Variants in TAS2R1 observed in about 807,000 individuals in gnomAD.
TAS2R1 encodes the protein taste receptor type 2 member 1.
For synonymous variants in TAS2R1, 141 were observed against 134.2 expected, an observed-to-expected ratio of 1.05 and a Z score of -0.35; for missense variants, 370 against 353.4, an observed-to-expected ratio of 1.05 and a Z score of -0.38.
At chr5:9,775,193 C>T in the TAS2R1 span, among the ~76,000 whole-genome samples, 1 of 152,302 alleles carries the variant, frequency 6.6e-6, no homozygotes, top group Non-Finnish European at 1.5e-5. Flanking sequence ...ACACAAAGGA[C>T]TCTCCCTGTG....
At chr5:9,769,059 C>T in the TAS2R1 span, among the ~76,000 whole-genome samples, 1 of 152,278 alleles carries the variant, frequency 6.6e-6, no homozygotes, top group Admixed American at 6.5e-5. Flanking sequence ...AGCTCCACTT[C>T]CCACGCCCTC....
chr5:9,841,468 T>C, the TAS2R1 span, among the ~76,000 whole-genome samples: 1 of 152,208 alleles, frequency 6.6e-6, no homozygotes, highest in Non-Finnish European at 1.5e-5. Flanking sequence ...AAATTCTCTA[T>C]TCTGATGTAC....
At chr5:9,637,854 T>C (rs186500161) in intron 2 of TAS2R1, among the ~76,000 whole-genome samples, 1 of 152,346 alleles carries the variant, frequency 6.6e-6, no homozygotes, top group Admixed American at 6.5e-5. Context: ...TTCTTTAAGT[T>C]TGTCTTCACC....
the TAS2R1 span, among the ~76,000 whole-genome samples, chr5:9,834,994 G>A: frequency 1.3e-5 from 2 of 152,112 alleles, no homozygotes; most frequent in African/African-American, 4.8e-5. Context: ...TCTCTTTCAT[G>A]ACGCCTGAGC....
At chr5:9,891,283 A>C in the TAS2R1 span, among the ~76,000 whole-genome samples, 1 of 152,258 alleles carries the variant, frequency 6.6e-6, no homozygotes, top group South Asian at 2.1e-4. Flanking sequence ...AGAGCTATGC[A>C]AAAATGTAAA....
chr5:9,648,284 GAATA>G (rs1412930358), intron 2 of TAS2R1, among the ~76,000 whole-genome samples: 3 of 151,964 alleles, frequency 2.0e-5, no homozygotes, highest in Non-Finnish European at 2.9e-5. Context: ...AATTTTAAAT[GAATA>G]AATAAAGCTT....
chr5:9,840,857 A>ATTTTTTTTTTTTTTTTTTTTTTTT, the TAS2R1 span, among the ~76,000 whole-genome samples: 2 of 132,088 alleles, frequency 1.5e-5, no homozygotes, highest in African/African-American at 5.6e-5. Flanking sequence ...TTATTTATTT[A>ATTTTTTTTTTTTTTTTTTTTTTTT]TTTTTTTTTT....
intron 2 of TAS2R1, among the ~76,000 whole-genome samples, chr5:9,646,791 C>T (rs1179506011): frequency 1.3e-5 from 2 of 152,040 alleles, no homozygotes; most frequent in African/African-American, 4.8e-5. Context: ...TTACTTAGTT[C>T]ATGTGTTTTG....
the TAS2R1 span, among the ~76,000 whole-genome samples, chr5:9,853,306 G>T: frequency 6.6e-6 from 1 of 152,184 alleles, no homozygotes; most frequent in Non-Finnish European, 1.5e-5. Flanking sequence ...TACCCTACAG[G>T]CTGTGTCAAG....
At chr5:9,835,831 G>C in the TAS2R1 span, among the ~76,000 whole-genome samples, 8 of 152,218 alleles carry the variant, frequency 5.3e-5, no homozygotes, top group African/African-American at 1.7e-4. Context: ...AGGATGCCTT[G>C]ATCCCAGGGT....
intron 2 of TAS2R1, among the ~76,000 whole-genome samples, chr5:9,648,638 T>C (rs540611481): frequency 2.0e-5 from 3 of 151,902 alleles, no homozygotes; most frequent in Admixed American, 6.6e-5. Flanking sequence ...CATGGTACTG[T>C]CGAAATGAAA....
At chr5:9,671,869 G>A (rs997383364) in intron 1 of TAS2R1, among the ~76,000 whole-genome samples, 118 of 152,108 alleles carry the variant, frequency 7.8e-4, no homozygotes, top group African/African-American at 2.7e-3. Flanking sequence ...AATAAAGCTG[G>A]AGGCATCACA....
chr5:9,849,857 C>A, the TAS2R1 span, among the ~76,000 whole-genome samples: 1 of 152,200 alleles, frequency 6.6e-6, no homozygotes. Context: ...TTCCTCTATA[C>A]CTTTCATGCA....
At chr5:9,701,876 CT>C (rs1227615725) in intron 1 of TAS2R1, among the ~76,000 whole-genome samples, 1 of 151,828 alleles carries the variant, frequency 6.6e-6, no homozygotes, top group Non-Finnish European at 1.5e-5. Flanking sequence ...GAAGAGAATC[CT>C]TTTTTTTAGA....
At chr5:9,749,730 TAAGTC>T in the TAS2R1 span, among the ~76,000 whole-genome samples, 439 of 152,328 alleles carry the variant, frequency 2.9e-3, 1 homozygote, top group African/African-American at 0.01. Context: ...AATTGTCTTA[TAAGTC>T]AAGTACAAAG....
In TAS2R1 at chr5:9,671,786, A is replaced by G. The variant is rs187382366; in HGVS notation, c.-241-12205T>C. Reference sequence around the variant, plus strand: ...TCATTCTTCACAAAACTAGAAAAAAAACTATTTTAAAATTCATATGGAACC... The same window carrying G: ...TCATTCTTCACAAAACTAGAAAAAAGACTATTTTAAAATTCATATGGAACC... On this transcript the variant is annotated intron_variant, in intron 1 of 2. Coordinates refer to the TAS2R1 transcript ENST00000506620. Among the ~76,000 whole-genome samples, 182 of 152,304 alleles carry G rather than the reference A, an allele frequency of 1.2e-3. 2 individuals carry two copies. Among genetic ancestry groups the G allele is most frequent in the African/African-American group, 4.1e-3 (169 of 41,562 alleles).
At chr5:9,768,479 A>T in the TAS2R1 span, among the ~76,000 whole-genome samples, 1 of 151,614 alleles carries the variant, frequency 6.6e-6, no homozygotes, top group African/African-American at 2.4e-5. Flanking sequence ...TCCCATGACC[A>T]CTCCTATTCT....
the TAS2R1 span, among the ~76,000 whole-genome samples, chr5:9,737,855 C>T: frequency 7.9e-5 from 12 of 152,320 alleles, no homozygotes; most frequent in Middle Eastern, 6.8e-3. Flanking sequence ...CTCCAAAACC[C>T]TTCTCAGATC....
At chr5:9,649,366 A>T (rs542324899) in intron 2 of TAS2R1, among the ~76,000 whole-genome samples, 1 of 152,234 alleles carries the variant, frequency 6.6e-6, no homozygotes, top group Admixed American at 6.5e-5. Flanking sequence ...TATATAGACA[A>T]GAAAATATTT....
Sources: allele counts gnomAD v4.1 joint callset (sites outside exome capture counted in the v4.1 genomes callset), GRCh38; gene constraint gnomAD v4.1.1; transcripts MANE v1.5; gene names NCBI Gene and HGNC (gene_info 2026-07-23, HGNC 2026-07-21).